ELFN1: variants seen among roughly 807,000 people sequenced by gnomAD.
ELFN1 encodes the protein protein ELFN1.
A neutral mutation model predicts 7.6 loss-of-function variants in ELFN1; 6 were observed. That is an observed-to-expected ratio of 0.79 (90% confidence interval 0.43 to 1.56). The LOEUF is 1.56. Among genes scored for constraint, ELFN1 ranks in the 40% most tolerant of loss-of-function variants. The pLI is 0.01. For synonymous variants in ELFN1, 657 were observed against 588.1 expected, an observed-to-expected ratio of 1.12 and a Z score of -1.70; for missense variants, 1,169 against 1,232.2, an observed-to-expected ratio of 0.95 and a Z score of 0.77.
intron 2 of ELFN1, among the ~76,000 whole-genome samples, chr7:1,689,734 C>A (rs375834237): frequency 1.3e-5 from 2 of 152,216 alleles, no homozygotes; most frequent in African/African-American, 4.8e-5. Flanking sequence ...TCTGCAATCA[C>A]GTGCCCATTA....
At chr7:1,718,802 C>A (rs1422730801) in intron 3 of ELFN1, among the ~76,000 whole-genome samples, 7 of 152,124 alleles carry the variant, frequency 4.6e-5, no homozygotes, top group Non-Finnish European at 7.4e-5. Context: ...TTCAGATTCC[C>A]TCTCGCCCAT....
chr7:1,696,250 AAG>A (rs1474081606), intron 2 of ELFN1, among the ~76,000 whole-genome samples: 4 of 135,766 alleles, frequency 2.9e-5, no homozygotes, highest in African/African-American at 8.4e-5. Context: ...GAGAGAGAGA[AAG>A]AGGGTGAGAG....
At chr7:1,679,316 G>C in intron 1 of ELFN1, among the ~76,000 whole-genome samples, 1 of 152,166 alleles carries the variant, frequency 6.6e-6, no homozygotes, top group East Asian at 1.9e-4. Context: ...TGGGTCCATT[G>C]TGCTGGCATT....
In ELFN1 at chr7:1,747,302, C is replaced by T; in HGVS notation, c.*219C>T. On this transcript the variant is annotated 3_prime_UTR_variant, in exon 4 of 4. Transcript: ENST00000424383. Reference sequence around the variant, plus strand: ...GCTTGTCGCCCCGGGTGGCACGTGTCCACACACACACACACACACACACAC... The same window carrying T: ...GCTTGTCGCCCCGGGTGGCACGTGTTCACACACACACACACACACACACAC... 2 of 267,068 alleles carry T rather than the reference C, an allele frequency of 7.5e-6. No homozygotes were observed. Among genetic ancestry groups the T allele is most frequent in the Non-Finnish European group, 6.5e-6 (1 of 153,868 alleles). 16.5% of individuals were successfully genotyped at this position (267,068 alleles called of 1,614,324 possible).
intron 3 of ELFN1, among the ~76,000 whole-genome samples, chr7:1,721,073 C>T (rs967533998): frequency 9.9e-5 from 15 of 152,224 alleles, no homozygotes; most frequent in African/African-American, 3.4e-4. Context: ...CGTGTCAGCA[C>T]TTGCAAAATT....
chr7:1,745,730 C>T lies in ELFN1; in HGVS notation c.1134C>T (p.Thr378=), dbSNP rs1481676676. 1 of 1,551,332 alleles carries T rather than the reference C, an allele frequency of 6.4e-7. No homozygotes were observed. The highest frequency in any genetic ancestry group is 2.4e-5 in the East Asian group (1 of 40,928). ...ACCTGTTCACGCTCACCAACTACAC[C>T]TACTGCGTGGTGTCCACCAGCGCCG... ...LTNLFTLTNY[T]YCVVSTSAGL... is the part of the protein sequence containing the mutation. Residue 378 remains threonine, a synonymous_variant, in exon 4 of 4, where the codon ACC becomes ACT. Coordinates refer to ENST00000424383, the MANE Select transcript of ELFN1 (RefSeq NM_001128636.4).
intron 2 of ELFN1, among the ~76,000 whole-genome samples, chr7:1,696,521 AG>A: frequency 6.6e-6 from 1 of 151,768 alleles, no homozygotes; most frequent in Non-Finnish European, 1.5e-5. Flanking sequence ...GTTCCATAGT[AG>A]CTGGGACCAC....
At chr7:1,693,044 C>G (rs1182987613) in intron 2 of ELFN1, 1 of 299,630 alleles carries the variant, frequency 3.3e-6, no homozygotes, top group African/African-American at 2.2e-5. Flanking sequence ...CGCAGGTCAG[C>G]CTCTCCCTGT....
intron 2 of ELFN1, among the ~76,000 whole-genome samples, chr7:1,700,796 C>T (rs1213419992): frequency 6.6e-6 from 1 of 152,240 alleles, no homozygotes; most frequent in Non-Finnish European, 1.5e-5. Context: ...TGAAGCCTCG[C>T]CGGTCTGGCG....
intron 1 of ELFN1, among the ~76,000 whole-genome samples, chr7:1,684,587 A>G (rs987792076): frequency 2.6e-5 from 4 of 152,130 alleles, no homozygotes; most frequent in Non-Finnish European, 4.4e-5. Context: ...TTCATGTGCC[A>G]TTTTAATTCC....
At chr7:1,734,986 C>T (rs1341699420) in intron 3 of ELFN1, among the ~76,000 whole-genome samples, 2 of 152,136 alleles carry the variant, frequency 1.3e-5, no homozygotes, top group Non-Finnish European at 2.9e-5. Flanking sequence ...TGAGCCACTG[C>T]GCCCGCTCCG....
chr7:1,703,638 G>A (rs938006367), intron 2 of ELFN1, among the ~76,000 whole-genome samples: 1 of 152,186 alleles, frequency 6.6e-6, no homozygotes, highest in Non-Finnish European at 1.5e-5. Context: ...TCTGGGCTCA[G>A]CTTCCTCTGT....
intron 2 of ELFN1, among the ~76,000 whole-genome samples, 160 bp from the exon 3 acceptor site, chr7:1,708,931 C>T (rs1322564206): frequency 3.9e-5 from 6 of 152,196 alleles, no homozygotes; most frequent in African/African-American, 1.4e-4. Context: ...AGGAAGTCCC[C>T]AGCCTCTCTG....
intron 2 of ELFN1, among the ~76,000 whole-genome samples, chr7:1,699,828 C>T (rs552762647): frequency 2.9e-3 from 436 of 152,142 alleles, no homozygotes; most frequent in African/African-American, 0.01. Flanking sequence ...CTCAGCCTCC[C>T]GGGTAGCTGG....
At chr7:1,689,255 T>C (rs12669525) in intron 2 of ELFN1, among the ~76,000 whole-genome samples, 30,946 of 152,204 alleles carry the variant, frequency 0.2, 4,303 homozygotes, top group African/African-American at 0.4. Context: ...AGTGTGTATA[T>C]ATGTGTGCAT....
chr7:1,704,896 T>C (rs979927538), intron 2 of ELFN1, among the ~76,000 whole-genome samples: 35 of 152,112 alleles, frequency 2.3e-4, no homozygotes, highest in African/African-American at 8.2e-4. Context: ...TAGAGCCTCA[T>C]GGAGCTCCCG....
rs1290875113 is a variant in ELFN1, at chr7:1,673,090, C to CG, written c.-549+2736_-549+2737insG. On this transcript the variant is annotated intron_variant, in intron 1 of 3. Coordinates refer to ENST00000424383, the MANE Select transcript of ELFN1 (RefSeq NM_001128636.4). The surrounding 1 kb of genome is among the most constrained non-coding windows in gnomAD (Gnocchi z 4.7). ...ACATTTGTCATCTCTCCAGCGCCCC[C>CG]CCCCGCTCTTTCCTTTTTGTTTTTG... 2.1e-5 allele frequency among the ~76,000 whole-genome samples: 2 copies of CG among 93,158 alleles called. No homozygotes were observed. Among genetic ancestry groups the CG allele is most frequent in the Non-Finnish European group, 3.9e-5 (2 of 51,858 alleles). 61.1% of individuals were successfully genotyped at this position (93,158 alleles called of 152,430 possible). A position where few individuals can be genotyped will look rare whatever the true frequency, so the allele number is the denominator to read the frequency against.
At position 1,673,250 on chromosome 7, in the gene ELFN1, G is replaced by A. The variant is rs544324920; in HGVS notation, c.-549+2896G>A. 2.8e-3 allele frequency among the ~76,000 whole-genome samples: 426 copies of A among 152,288 alleles called. No homozygotes were observed. Among genetic ancestry groups the A allele is most frequent in the African/African-American group, 9.8e-3 (408 of 41,566 alleles). ...ATTCCAGCACCAGCTGTACAGATGG[G>A]GAGACTGAGGCCCGGATTGGGGTGG... On this transcript the variant is annotated intron_variant, in intron 1 of 3. Coordinates refer to ENST00000424383, the MANE Select transcript of ELFN1 (RefSeq NM_001128636.4). This position sits in a 1 kb window ranked among gnomAD's most constrained non-coding sequence, Gnocchi z 4.7.
chr7:1,675,183 G>A (rs1304795163), intron 1 of ELFN1, among the ~76,000 whole-genome samples: 1 of 152,156 alleles, frequency 6.6e-6, no homozygotes, highest in African/African-American at 2.4e-5. Flanking sequence ...ACCCCCTCTA[G>A]GACCCCACCC....
Sources: gnomAD v4.1 joint callset for allele counts (sites outside exome capture counted in the v4.1 genomes callset) on GRCh38, gnomAD v4.1.1 for gene constraint, Gnocchi (gnomAD v3.1) non-coding constraint, MANE v1.5 for transcripts, NCBI Gene and HGNC (gene_info 2026-07-23, HGNC 2026-07-21) for gene names.